Variants in EMSY observed in about 807,000 individuals in gnomAD.
EMSY encodes EMSY transcriptional repressor, BRCA2 interacting, also known as BRCA2-interacting transcriptional repressor EMSY.
EMSY carries 26 observed loss-of-function variants against 134.6 expected under a neutral mutation model. That is an observed-to-expected ratio of 0.19 (90% CI 0.14 to 0.27). The LOEUF (loss-of-function observed/expected upper bound fraction) is 0.27, where lower values mean the gene tolerates loss of function less well. EMSY is among the 10% of genes least tolerant of loss of function. The pLI is 1.00. For synonymous variants in EMSY, 579 were observed against 577.8 expected, an observed-to-expected ratio of 1.00 and a Z score of -0.03; for missense variants, 1,305 against 1,611.4, an observed-to-expected ratio of 0.81 and a Z score of 3.26.
intron 19 of EMSY, 95 bp from the exon 21 acceptor site, chr11:76,545,702 C>T (rs1951620263): frequency 2.2e-6 from 3 of 1,388,666 alleles, no homozygotes; most frequent in Non-Finnish European, 2.9e-6. Flanking sequence ...TAGTATAGCG[C>T]ACGAATGTTT....
At chr11:76,537,973 G>A (rs2136587027) in intron 16 of EMSY, 23 bp downstream of exon 17, 1 of 1,576,706 alleles carries the variant, frequency 6.3e-7, no homozygotes, top group Non-Finnish European at 8.6e-7. Context: ...TTAAAATGTA[G>A]TATTAAGGTA....
chr11:76,529,821 C>T (rs1411504071), intron 14 of EMSY, among the ~76,000 whole-genome samples: 1 of 152,040 alleles, frequency 6.6e-6, no homozygotes, highest in Non-Finnish European at 1.5e-5. Context: ...TTTCTGAATC[C>T]GTTTGCTAAG....
exon 20 of EMSY, chr11:76,546,043 G>T (rs1217486466): frequency 6.2e-7 from 1 of 1,614,054 alleles, no homozygotes; most frequent in Non-Finnish European, 8.5e-7. Context: ...CCCAAAGAAG[G>T]CTCTTGCCAC....
chr11:76,501,834 G>A (rs1339873197), intron 9 of EMSY, among the ~76,000 whole-genome samples: 1 of 152,000 alleles, frequency 6.6e-6, no homozygotes, highest in Non-Finnish European at 1.5e-5. Flanking sequence ...TGTTTAAGAA[G>A]CTTAACAAAT....
At chr11:76,511,009 A>G (rs1272905444) in intron 9 of EMSY, among the ~76,000 whole-genome samples, 1 of 151,976 alleles carries the variant, frequency 6.6e-6, no homozygotes, top group Non-Finnish European at 1.5e-5. Flanking sequence ...GGACCCTTTC[A>G]ATGGTGGTTT....
exon 6 of EMSY, chr11:76,460,057 G>A (rs540076045): frequency 6.2e-7 from 1 of 1,614,170 alleles, no homozygotes; most frequent in South Asian, 1.1e-5. Context: ...TAGTTGTCTT[G>A]CCAAGTGGAA....
chr11:76,468,928 C>T (rs570717811), intron 7 of EMSY, among the ~76,000 whole-genome samples: 1 of 152,110 alleles, frequency 6.6e-6, no homozygotes, highest in Non-Finnish European at 1.5e-5. Context: ...CCTGAATAAA[C>T]ACTGTTTGGT....
intron 9 of EMSY, among the ~76,000 whole-genome samples, chr11:76,500,630 A>G (rs1949825439): frequency 6.6e-6 from 1 of 152,254 alleles, no homozygotes; most frequent in Non-Finnish European, 1.5e-5. Context: ...TCCTGAAAAC[A>G]ACAGAGTAAT....
At chr11:76,508,803 A>G (rs1346734272) in intron 9 of EMSY, among the ~76,000 whole-genome samples, 2 of 152,162 alleles carry the variant, frequency 1.3e-5, no homozygotes, top group Admixed American at 6.5e-5. Context: ...TTCTTTCCTT[A>G]AACCGCATGA....
chr11:76,460,313 T>A (rs1020389990), intron 6 of EMSY: 10 of 446,402 alleles, frequency 2.2e-5, no homozygotes, highest in Non-Finnish European at 3.2e-5. Context: ...CTGTGGGTAA[T>A]CTGCCTTTGA....
intron 8 of EMSY, among the ~76,000 whole-genome samples, chr11:76,485,815 A>G (rs1316989374): frequency 6.6e-6 from 1 of 152,232 alleles, no homozygotes; most frequent in Non-Finnish European, 1.5e-5. Context: ...AGTATAAATT[A>G]GTTCAATGAT....
At chr11:76,516,019 C>A in intron 10 of EMSY, 123 bp from the exon 12 acceptor site, 2 of 800,066 alleles carry the variant, frequency 2.5e-6, no homozygotes, top group Non-Finnish European at 3.8e-6. Flanking sequence ...TGTCTTGACA[C>A]CTTGAAATTC....
In EMSY at chr11:76,523,704, CT is replaced by C. The variant is rs746491659; in HGVS notation, c.1821+434del. On this transcript the variant is annotated intron_variant, in intron 12 of 20. Coordinates refer to ENST00000334736, the Ensembl canonical transcript of EMSY. ...TTAATTGATGGGGATTTGTTACTTT[CT>C]TTTTTTTTTTTTTTTTTTTTCATTT... is the stretch of plus-strand genomic sequence containing the variant. Among the ~76,000 whole-genome samples the C allele has an allele frequency of 5.0e-3, 400 of 80,536 alleles. 1 individual carries two copies. Among genetic ancestry groups the C allele is most frequent in the Middle Eastern group, 0.022 (2 of 92 alleles). 52.8% of individuals were successfully genotyped at this position (80,536 alleles called of 152,430 possible).
At chr11:76,522,999 T>G (rs1950700204) in intron 11 of EMSY, among the ~76,000 whole-genome samples, 156 bp from the exon 13 acceptor site, 1 of 152,318 alleles carries the variant, frequency 6.6e-6, no homozygotes, top group South Asian at 2.1e-4. Context: ...GACTTATAAC[T>G]TACTATTCCA....
rs1166141104 is a variant in EMSY, at chr11:76,505,362, A to T, written c.1364-8024A>T. ...AGGCGCGCACCATCACGCCCGGCTA[A>T]TTTTTTTTTTTTTTTTTTTGTAGAG... On this transcript the variant is annotated intron_variant, in intron 9 of 20. Coordinates refer to ENST00000334736, the Ensembl canonical transcript of EMSY. 3.0e-4 allele frequency among the ~76,000 whole-genome samples: 38 copies of T among 126,756 alleles called. No homozygotes were observed. In the South Asian group the frequency reaches 9.4e-3, roughly 31 times the overall value. The allele number at this position is 126,756 out of a possible 152,430, so 83.2% of individuals were successfully genotyped here.
chr11:76,456,554 T>G (rs1220835340), intron 4 of EMSY, among the ~76,000 whole-genome samples: 1 of 152,194 alleles, frequency 6.6e-6, no homozygotes, highest in Non-Finnish European at 1.5e-5. Flanking sequence ...TGAATAGCTT[T>G]TAGAATTTTT....
In EMSY at chr11:76,453,310, A is replaced by G. The variant is rs1333799611; in HGVS notation, c.171-4A>G. Reference sequence around the variant, plus strand: ...AGTTCTATAATGGCTATTTTTCTTCATAGCATCTCAACAGAACGCCACCGT... The same window carrying G: ...AGTTCTATAATGGCTATTTTTCTTCGTAGCATCTCAACAGAACGCCACCGT... On this transcript the variant is annotated splice_region_variant and splice_polypyrimidine_tract_variant and intron_variant, in intron 3 of 20. Transcript: ENST00000334736. 7 of 1,611,976 alleles carry G rather than the reference A, an allele frequency of 4.3e-6. No individual in the cohort carries two copies. The highest frequency in any genetic ancestry group is 1.7e-5 in the Admixed American group (1 of 59,830).
At chr11:76,472,955 G>C (rs955055880) in intron 8 of EMSY, 115 bp downstream of exon 9, 11 of 1,084,768 alleles carry the variant, frequency 1.0e-5, no homozygotes, top group African/African-American at 1.6e-5. Flanking sequence ...TTAGACCCAA[G>C]ATCACCACCC....
chr11:76,451,927 A>G (rs1220228832), exon 3 of EMSY: 7 of 1,595,872 alleles, frequency 4.4e-6, no homozygotes, highest in South Asian at 2.3e-5. Context: ...GAAAAGAAAG[A>G]TCTTCTTGGA....
Sources: allele counts gnomAD v4.1 joint callset (sites outside exome capture counted in the v4.1 genomes callset), GRCh38; gene constraint gnomAD v4.1.1; transcripts MANE v1.5; gene names NCBI Gene and HGNC (gene_info 2026-07-23, HGNC 2026-07-21).